The following KNTC1 variants were observed in gnomAD, a reference collection of about 807,000 sequenced individuals.
The protein encoded by KNTC1 is kinetochore associated 1, also known as kinetochore-associated protein 1.
In KNTC1, 253 loss-of-function variants were observed where a neutral mutation model predicts 314.4. The observed-to-expected ratio is 0.80, with a 90% CI of 0.73 to 0.89. The LOEUF is 0.89. Among genes scored for constraint, KNTC1 ranks in the 40% least tolerant of loss-of-function variants. The pLI is 0.00. For missense variants in KNTC1, 2,475 were observed against 2,572.9 expected, an observed-to-expected ratio of 0.96 and a Z score of 0.82; for synonymous variants, 901 against 901.4, an observed-to-expected ratio of 1.00 and a Z score of 0.01.
chr12:122,604,619 A>G lies in KNTC1; in HGVS notation c.5157A>G (p.Leu1719=), dbSNP rs748313169. The part of the protein sequence containing the change: ...KFCLYLAERW[L]QNIPSQDEKR... ...GCCTTTATTTAGCTGAGAGATGGCTACAGAATATCCCATCGCAGGTGTGTC... is the reference window on the plus strand; with the variant it reads ...GCCTTTATTTAGCTGAGAGATGGCTGCAGAATATCCCATCGCAGGTGTGTC... The change falls in exon 49 of 64, where the codon CTA becomes CTG. Residue 1719 remains leucine (L), a synonymous_variant. Coordinates refer to ENST00000333479, the MANE Select transcript of KNTC1 (RefSeq NM_014708.6). 3 of 1,598,890 alleles carry G rather than the reference A, an allele frequency of 1.9e-6. No individual in the cohort carries two copies. Among genetic ancestry groups the G allele is most frequent in the Admixed American group, 1.7e-5 (1 of 59,904 alleles).
Position 122,575,803 on chromosome 12 carries a change from C to A in KNTC1, c.2490C>A (p.Val830=). Reference sequence around the variant, plus strand: ...ATATGGGTAAATTTGCTTTCAGAGTCAAGTTATTACAGGAAAGTTACAAAC... The same window carrying A: ...ATATGGGTAAATTTGCTTTCAGAGTAAAGTTATTACAGGAAAGTTACAAAC... ...KQHLEMDHPK[V]KLLQESYKLM... Residue 830 remains valine (V), a synonymous_variant, in exon 29 of 64, where the codon GTC becomes GTA. Transcript: ENST00000333479. 1.2e-6 allele frequency: 2 copies of A among 1,611,716 alleles called. No homozygotes were observed. The highest frequency in any genetic ancestry group is 2.2e-5 in the South Asian group (2 of 90,606).
intron 8 of KNTC1, among the ~76,000 whole-genome samples, chr12:122,545,209 G>A (rs1208358628): frequency 5.3e-5 from 8 of 152,188 alleles, no homozygotes; most frequent in Middle Eastern, 3.4e-3. Flanking sequence ...GTATAATTAC[G>A]TTTACAACAT....
chr12:122,532,956 T>C (rs1255493534), intron 2 of KNTC1, among the ~76,000 whole-genome samples: 2 of 152,142 alleles, frequency 1.3e-5, no homozygotes, highest in African/African-American at 4.8e-5. Context: ...GCATGTCCTG[T>C]AGTCCCAGCT....
At chr12:122,542,196 A>G (rs540548252) in intron 6 of KNTC1, 69 bp downstream of exon 6, 113 of 1,104,078 alleles carry the variant, frequency 1.0e-4, no homozygotes, top group Non-Finnish European at 1.4e-4. Flanking sequence ...ATGTAATAGT[A>G]AAATTTTAAG....
intron 42 of KNTC1, chr12:122,593,160 G>T (rs1359280903): frequency 1.1e-5 from 2 of 181,182 alleles, no homozygotes; most frequent in South Asian, 1.7e-4. Context: ...CACTCACCTC[G>T]GGGGTCCGCG....
chr12:122,540,176 T>G (rs1468898328), intron 5 of KNTC1, among the ~76,000 whole-genome samples: 4 of 112,398 alleles, frequency 3.6e-5, no homozygotes, highest in East Asian at 2.1e-4. Flanking sequence ...ATTTTTTCTG[T>G]TTTTTTTTTT....
At chr12:122,622,391 C>T in intron 61 of KNTC1, 71 bp from the exon 62 acceptor site, 1 of 1,295,924 alleles carries the variant, frequency 7.7e-7, no homozygotes, top group Non-Finnish European at 1.1e-6. Context: ...TGATACCTGT[C>T]ATTCTATAGA....
At chr12:122,541,594 C>G (rs1222071546) in intron 5 of KNTC1, among the ~76,000 whole-genome samples, 1 of 151,868 alleles carries the variant, frequency 6.6e-6, no homozygotes, top group African/African-American at 2.4e-5. Context: ...ATCTACCTGC[C>G]TTGGCCTCCC....
intron 45 of KNTC1, 190 bp downstream of exon 45, chr12:122,601,815 T>C: frequency 1.8e-6 from 1 of 542,600 alleles, no homozygotes; most frequent in African/African-American, 2.0e-5. Context: ...ATTCCTATTT[T>C]ATCACTTATC....
intron 51 of KNTC1, among the ~76,000 whole-genome samples, chr12:122,608,191 C>T (rs907741646): frequency 6.6e-6 from 1 of 152,148 alleles, no homozygotes; most frequent in Non-Finnish European, 1.5e-5. Flanking sequence ...TTCACTACAG[C>T]CTCCGCCTCC....
At position 122,597,982 on chromosome 12, in the gene KNTC1, C is replaced by T. The variant is rs193162002; in HGVS notation, c.4563+44C>T. On this transcript the variant is annotated intron_variant, in intron 44 of 63. Coordinates refer to ENST00000333479, the MANE Select transcript of KNTC1 (RefSeq NM_014708.6). Reference sequence around the variant, plus strand: ...GAATCGGGTCATCTCAGCCATCCCTCCCACCCTTAATAATTAGATACATTA... The same window carrying T: ...GAATCGGGTCATCTCAGCCATCCCTTCCACCCTTAATAATTAGATACATTA... The T allele has an allele frequency of 2.0e-5, 29 of 1,454,388 alleles. No individual in the cohort carries two copies. The East Asian group carries it at 3.9e-4, about 19-fold the overall frequency. 90.1% of individuals were successfully genotyped at this position (1,454,388 alleles called of 1,614,324 possible).
At chr12:122,529,910 T>TA (rs1427683953) in intron 1 of KNTC1, 81 bp from the exon 2 acceptor site, 2 of 687,562 alleles carry the variant, frequency 2.9e-6, no homozygotes, top group Non-Finnish European at 4.6e-6. Context: ...AAGATGTCTG[T>TA]ATATGTTAAT....
intron 20 of KNTC1, among the ~76,000 whole-genome samples, chr12:122,567,994 A>G (rs142656410): frequency 6.6e-6 from 1 of 152,278 alleles, no homozygotes; most frequent in East Asian, 1.9e-4. Flanking sequence ...AGTGAAAAAT[A>G]GTTATTTCTA....
In KNTC1 at chr12:122,580,612, A is replaced by C. The variant is rs1965350238; in HGVS notation, c.2924A>C (p.Gln975Pro). Reference protein sequence around the residue: ...ILCDIQKDNLQKKDECEEMLK... With the variant: ...ILCDIQKDNLPKKDECEEMLK... ...AAAAATTTAATTACAGACAATCTGC[A>C]GAAGAAGGACGAATGTGAAGAAATG... The change falls in exon 33 of 64, where the codon CAG becomes CCG. Residue 975 changes from glutamine (Q) to proline (P), a missense_variant. Physicochemically the swap from Gln to Pro is moderately conservative, Grantham distance 76. Coordinates refer to ENST00000333479, the MANE Select transcript of KNTC1 (RefSeq NM_014708.6). The C allele has an allele frequency of 1.3e-6, 2 of 1,562,960 alleles. No homozygotes were observed. Among genetic ancestry groups the C allele is most frequent in the East Asian group, 2.3e-5 (1 of 43,242 alleles).
At chr12:122,580,960 G>A (rs1290413717) in intron 33 of KNTC1, among the ~76,000 whole-genome samples, 3 of 151,558 alleles carry the variant, frequency 2.0e-5, no homozygotes, top group African/African-American at 4.9e-5. Flanking sequence ...CCCGGGAGGC[G>A]GAGGTTGCAG....
At chr12:122,535,136 T>C (rs971272522) in intron 3 of KNTC1, among the ~76,000 whole-genome samples, 2 of 152,230 alleles carry the variant, frequency 1.3e-5, no homozygotes, top group Non-Finnish European at 2.9e-5. Flanking sequence ...TGCATATTTT[T>C]AGAATTAATA....
chr12:122,616,009 C>T (rs1873725693), intron 57 of KNTC1, among the ~76,000 whole-genome samples: 1 of 152,188 alleles, frequency 6.6e-6, no homozygotes, highest in South Asian at 2.1e-4. Flanking sequence ...TGTTGGACTG[C>T]CCCTCACAGA....
chr12:122,613,002 G>C, intron 53 of KNTC1, 110 bp from the exon 54 acceptor site: 1 of 693,316 alleles, frequency 1.4e-6, no homozygotes. Flanking sequence ...TGTAGAGATT[G>C]ACTTTACATT....
rs1962530826 is a variant in KNTC1, at chr12:122,543,737, AATT to A, written c.558+109_558+111del. On this transcript the variant is annotated intron_variant, in intron 7 of 63. Coordinates refer to ENST00000333479, the MANE Select transcript of KNTC1 (RefSeq NM_014708.6). Reference sequence around the variant, plus strand: ...TTGGTCTACTTCTTGATATTTTAGAAATTATTATGATATAACATTTTAATAACA... The same window carrying A: ...TTGGTCTACTTCTTGATATTTTAGAAATTATGATATAACATTTTAATAACA... 6.0e-6 allele frequency: 4 copies of A among 669,090 alleles called. No homozygotes were observed. In the South Asian group the frequency reaches 6.7e-5, roughly 11 times the overall value. 41.4% of individuals were successfully genotyped at this position (669,090 alleles called of 1,614,324 possible).
Sources: gnomAD v4.1 joint callset for allele counts (sites outside exome capture counted in the v4.1 genomes callset) on GRCh38, gnomAD v4.1.1 for gene constraint, MANE v1.5 for transcripts, NCBI Gene and HGNC (gene_info 2026-07-23, HGNC 2026-07-21) for gene names.